The following ITGA1 variants were observed in gnomAD, a reference collection of about 807,000 sequenced individuals.
ITGA1 encodes the protein integrin alpha-1.
A neutral mutation model predicts 145.9 loss-of-function variants in ITGA1; 85 were observed. The observed-to-expected ratio is 0.58, with a 90% CI of 0.49 to 0.70. The LOEUF (loss-of-function observed/expected upper bound fraction) is 0.70, where lower values mean the gene tolerates loss of function less well. ITGA1 is among the 30% of genes least tolerant of loss of function. The probability of loss-of-function intolerance (pLI) is 0.00; values close to 1 mark genes in which losing one functional copy is unlikely to be tolerated. For missense variants in ITGA1, 1,351 were observed against 1,418.7 expected, an observed-to-expected ratio of 0.95 and a Z score of 0.77; for synonymous variants, 520 against 495.3, an observed-to-expected ratio of 1.05 and a Z score of -0.66.
At chr5:52,927,955 G>T (rs1750837051) in intron 20 of ITGA1, among the ~76,000 whole-genome samples, 1 of 152,094 alleles carries the variant, frequency 6.6e-6, no homozygotes, top group Non-Finnish European at 1.5e-5. Flanking sequence ...CATACGAGAG[G>T]CTTGAGGGAG....
chr5:52,866,206 G>A (rs1749685294), intron 6 of ITGA1, among the ~76,000 whole-genome samples: 1 of 152,052 alleles, frequency 6.6e-6, no homozygotes, highest in East Asian at 1.9e-4. Flanking sequence ...AATAGAGATG[G>A]GGTTTCATCA....
Position 52,955,447 on chromosome 5 carries a change from A to C in ITGA1, c.*2996A>C, listed in dbSNP as rs974224772. On this transcript the variant is annotated 3_prime_UTR_variant, in exon 29 of 29. Coordinates refer to ENST00000282588, the MANE Select transcript of ITGA1 (RefSeq NM_181501.2). ...TACATATCCAATGACACACAGTATA[A>C]TCATGTTTTAAATTATGCCAAAAGT... The C allele has an allele frequency of 6.6e-6, 1 of 152,222 alleles. No homozygotes were observed. The highest frequency in any genetic ancestry group is 2.4e-5 in the African/African-American group (1 of 41,444). 9.4% of individuals were successfully genotyped at this position (152,222 alleles called of 1,614,324 possible). A position where few individuals can be genotyped will look rare whatever the true frequency, so the allele number is the denominator to read the frequency against.
At chr5:52,868,598 G>A (rs929395357) in intron 6 of ITGA1, among the ~76,000 whole-genome samples, 2 of 152,126 alleles carry the variant, frequency 1.3e-5, no homozygotes, top group African/African-American at 4.8e-5. Flanking sequence ...AGGGAACAAT[G>A]GCTCTATTCA....
chr5:52,815,830 T>G (rs1293200813), intron 1 of ITGA1, among the ~76,000 whole-genome samples: 1 of 152,206 alleles, frequency 6.6e-6, no homozygotes, highest in African/African-American at 2.4e-5. Context: ...AATTTGATAA[T>G]GTGAGATTCT....
chr5:52,944,217 C>T (rs946118097), intron 26 of ITGA1, among the ~76,000 whole-genome samples: 2 of 152,140 alleles, frequency 1.3e-5, no homozygotes, highest in Non-Finnish European at 2.9e-5. Flanking sequence ...TCTCTACCTG[C>T]TCCCTGGGAA....
chr5:52,917,540 T>C (rs1360418860), intron 15 of ITGA1, among the ~76,000 whole-genome samples: 3 of 152,220 alleles, frequency 2.0e-5, no homozygotes, highest in African/African-American at 7.2e-5. Context: ...TTATGGTATG[T>C]GCATATGCTG....
chr5:52,850,819 C>G (rs1187872201), intron 2 of ITGA1, among the ~76,000 whole-genome samples: 1 of 152,150 alleles, frequency 6.6e-6, no homozygotes, highest in Non-Finnish European at 1.5e-5. Flanking sequence ...ACTCTCCACC[C>G]ATCCCATTCC....
At chr5:52,814,070 C>T (rs1748725861) in intron 1 of ITGA1, among the ~76,000 whole-genome samples, 1 of 152,198 alleles carries the variant, frequency 6.6e-6, no homozygotes, top group Non-Finnish European at 1.5e-5. Context: ...TGACATATCA[C>T]TGTTTTATGT....
intron 17 of ITGA1, 121 bp downstream of exon 17, chr5:52,920,589 G>A (rs1205478370): frequency 5.0e-6 from 4 of 798,960 alleles, no homozygotes; most frequent in Non-Finnish European, 7.3e-6. Context: ...ATGTCATAAA[G>A]GAAATCTTGT....
chr5:52,828,606 G>C (rs1321385811), intron 1 of ITGA1, among the ~76,000 whole-genome samples: 1 of 152,138 alleles, frequency 6.6e-6, no homozygotes, highest in Admixed American at 6.6e-5. Flanking sequence ...TGGTTTCATG[G>C]ATGTGTTCAC....
chr5:52,917,724 G>C (rs1750668732), intron 15 of ITGA1, among the ~76,000 whole-genome samples: 1 of 152,122 alleles, frequency 6.6e-6, no homozygotes, highest in African/African-American at 2.4e-5. Context: ...GTGTATGCAT[G>C]TTTTCTTCTG....
chr5:52,893,654 G>A (rs752129106), intron 8 of ITGA1, 21 bp from the exon 9 acceptor site: 3 of 1,596,404 alleles, frequency 1.9e-6, no homozygotes, highest in Admixed American at 1.7e-5. Flanking sequence ...ATATATTCTT[G>A]CTGTTTCTGT....
intron 1 of ITGA1, among the ~76,000 whole-genome samples, chr5:52,848,727 C>A (rs576818014): frequency 1.4e-5 from 2 of 147,850 alleles, no homozygotes; most frequent in Non-Finnish European, 3.0e-5. Flanking sequence ...TCCCTCCCCC[C>A]TCCCCCCACC....
chr5:52,864,692 T>TC (rs1278422277), intron 3 of ITGA1, 71 bp from the exon 4 acceptor site: 5 of 888,314 alleles, frequency 5.6e-6, no homozygotes, highest in Non-Finnish European at 9.1e-6. Flanking sequence ...ATAGAATGTC[T>TC]TAATGAGAGA....
chr5:52,923,978 G>T (rs191672854), intron 18 of ITGA1, among the ~76,000 whole-genome samples: 1 of 152,252 alleles, frequency 6.6e-6, no homozygotes, highest in Admixed American at 6.5e-5. Context: ...AGAAATGAGA[G>T]AAAGGGACTG....
At chr5:52,860,556 A>G (rs898010855) in intron 2 of ITGA1, among the ~76,000 whole-genome samples, 2 of 152,202 alleles carry the variant, frequency 1.3e-5, no homozygotes, top group Non-Finnish European at 2.9e-5. Flanking sequence ...AAAAATAAAA[A>G]TAAAAAAATA....
At chr5:52,810,573 G>A (rs184074308) in intron 1 of ITGA1, among the ~76,000 whole-genome samples, 5 of 152,304 alleles carry the variant, frequency 3.3e-5, no homozygotes, top group Admixed American at 1.3e-4. Flanking sequence ...CCCTTTGTGT[G>A]TCAGTGTGTT....
intron 11 of ITGA1, among the ~76,000 whole-genome samples, chr5:52,901,320 T>G (rs1750310887): frequency 6.6e-6 from 1 of 152,204 alleles, no homozygotes; most frequent in Non-Finnish European, 1.5e-5. Flanking sequence ...GCCAATATCC[T>G]GATGTTTAGT....
chr5:52,933,944 A>C lies in ITGA1; in HGVS notation c.2912A>C (p.Glu971Ala). The change falls in exon 23 of 29, where the codon GAA becomes GCA. Residue 971 changes from glutamate to alanine, a missense_variant. Glu to Ala is a moderately radical substitution (Grantham distance 107, BLOSUM62 -1). Transcript: ENST00000282588. ...ISIAANETVP[E>A]VINSTEDIGN... ...ATTGCTGCCAATGAGACAGTCCCTG[A>C]AGTTATTAATTCTACTGAGGACATT... The C allele has an allele frequency of 6.5e-7, 1 of 1,537,176 alleles. No homozygotes were observed. The highest frequency in any genetic ancestry group is 8.8e-7 in the Non-Finnish European group (1 of 1,137,238).
Sources: gnomAD v4.1 joint callset for allele counts (sites outside exome capture counted in the v4.1 genomes callset) on GRCh38, gnomAD v4.1.1 for gene constraint, MANE v1.5 for transcripts, NCBI Gene and HGNC (gene_info 2026-07-23, HGNC 2026-07-21) for gene names.